Variants in GRM5 observed in about 807,000 individuals in gnomAD.
The protein encoded by GRM5 is glutamate metabotropic receptor 5.
Under a neutral mutation model 83.1 loss-of-function variants are expected in GRM5, and 19 were observed. That is an observed-to-expected ratio of 0.23 (90% CI 0.16 to 0.34). The LOEUF is 0.34. Among genes scored for constraint, GRM5 ranks in the 10% least tolerant of loss-of-function variants. The pLI is 1.00. For synonymous variants in GRM5, 675 were observed against 633.6 expected (o/e 1.07, Z -0.98); for missense variants, 1,160 against 1,588.3 (o/e 0.73, Z 4.58).
At chr11:88,992,525 C>T (rs560902615) in intron 2 of GRM5, among the ~76,000 whole-genome samples, 2 of 152,064 alleles carry the variant, frequency 1.3e-5, no homozygotes, top group Non-Finnish European at 2.9e-5. Flanking sequence ...GGGTATATAC[C>T]CGAAGGATTA....
chr11:88,951,597 A>G (rs970199722), intron 2 of GRM5, among the ~76,000 whole-genome samples: 7 of 152,238 alleles, frequency 4.6e-5, no homozygotes, highest in African/African-American at 1.7e-4. Flanking sequence ...TGGTAGACAC[A>G]GTGTGAGTTT....
At chr11:88,817,984 A>G (rs1943720982) in intron 3 of GRM5, among the ~76,000 whole-genome samples, 1 of 152,102 alleles carries the variant, frequency 6.6e-6, no homozygotes, top group Non-Finnish European at 1.5e-5. Context: ...AGCAGTAAGT[A>G]CTCACAGAAT....
chr11:89,053,613 G>T (rs1452298731), intron 1 of GRM5, among the ~76,000 whole-genome samples: 1 of 151,886 alleles, frequency 6.6e-6, no homozygotes, highest in African/African-American at 2.4e-5. Context: ...TTCGAAGAGG[G>T]TTTGCGAGAC....
rs1290931665 is a variant in GRM5 at position 88,508,955 on chromosome 11, C to A, written c.3276G>T (p.Pro1092=). ...TGGGGATCAGGTAGGACGAGCAGAGCGGGGCGCCGACGCCGGGGCTGGGGG... is the reference window on the plus strand; with the variant it reads ...TGGGGATCAGGTAGGACGAGCAGAGAGGGGCGCCGACGCCGGGGCTGGGGG... ...TAAPSPGVGA[P]LCSSYLIPKE... The change falls in exon 10 of 10, where the codon CCG becomes CCT. Residue 1092 remains proline, a synonymous_variant. Coordinates refer to ENST00000305447, the MANE Select transcript of GRM5 (RefSeq NM_001143831.3). The surrounding 1 kb of genome is among the most constrained non-coding windows in gnomAD (Gnocchi z 4.2). 3.8e-6 allele frequency: 6 copies of A among 1,593,124 alleles called. No homozygotes were observed. The highest frequency in any genetic ancestry group is 1.8e-5 in the Admixed American group (1 of 56,778).
At position 88,545,200 on chromosome 11, in the gene GRM5, C is replaced by A. The variant is rs555096892; in HGVS notation, c.2631-19796G>T. Reference sequence around the variant, plus strand: ...ATCTGGGTCTCAGTTCTTGGACTTTCTTTATTTATCTAGTCTCTGGGCTCT... The same window carrying A: ...ATCTGGGTCTCAGTTCTTGGACTTTATTTATTTATCTAGTCTCTGGGCTCT... On this transcript the variant is annotated intron_variant, in intron 8 of 9. Coordinates refer to ENST00000305447, the MANE Select transcript of GRM5 (RefSeq NM_001143831.3). Among the ~76,000 whole-genome samples the A allele has an allele frequency of 7.9e-5, 12 of 152,236 alleles. No homozygotes were observed. In the South Asian group the frequency reaches 2.1e-3, roughly 26 times the overall value.
chr11:88,871,722 A>G (rs1371055458), intron 2 of GRM5, among the ~76,000 whole-genome samples: 1 of 151,578 alleles, frequency 6.6e-6, no homozygotes, highest in Admixed American at 6.6e-5. Flanking sequence ...TTCATGTAAT[A>G]TTTTCATTCT....
At chr11:88,762,323 A>G (rs573368701) in intron 3 of GRM5, among the ~76,000 whole-genome samples, 12 of 152,190 alleles carry the variant, frequency 7.9e-5, no homozygotes, top group African/African-American at 2.6e-4. Flanking sequence ...ATCTATAAGG[A>G]ACTTAAATCT....
chr11:88,513,935 T>G lies in GRM5; in HGVS notation c.2727-4431A>C, dbSNP rs983172942. 8.7e-4 allele frequency among the ~76,000 whole-genome samples: 12 copies of G among 13,844 alleles called. No individual in the cohort carries two copies. In the South Asian group the frequency reaches 0.022, roughly 25 times the overall value. The allele number at this position is 13,844 out of a possible 152,430, so 9.1% of individuals were successfully genotyped here. The stretch of plus-strand genomic sequence containing the variant: ...TTGTATTTATTATTTAGGCTGAGAT[T>G]TTTTTTTCAGCATCCATGTTATATG... On this transcript the variant is annotated intron_variant, in intron 9 of 9. Coordinates refer to ENST00000305447, the MANE Select transcript of GRM5 (RefSeq NM_001143831.3).
chr11:88,912,221 A>T (rs185225264), intron 2 of GRM5: 17,704 of 187,626 alleles, frequency 0.094, 1,392 homozygotes, highest in African/African-American at 0.21. Context: ...ATACATTTTT[A>T]AAAATGTACA....
intron 2 of GRM5, among the ~76,000 whole-genome samples, chr11:89,033,195 A>T (rs1019065556): frequency 2.0e-5 from 3 of 152,050 alleles, no homozygotes; most frequent in Admixed American, 1.3e-4. Context: ...AGGTACAGCC[A>T]TCTGTCATCT....
At chr11:88,758,237 A>T (rs565031333) in intron 3 of GRM5, among the ~76,000 whole-genome samples, 1 of 152,174 alleles carries the variant, frequency 6.6e-6, no homozygotes, top group African/African-American at 2.4e-5. Context: ...TCAGGCTGAG[A>T]TGTCTGAAAT....
chr11:88,991,615 C>T (rs1939974815), intron 2 of GRM5, among the ~76,000 whole-genome samples: 2 of 149,826 alleles, frequency 1.3e-5, no homozygotes, highest in Non-Finnish European at 3.0e-5. Flanking sequence ...TCAAACTATA[C>T]TACAAGGCTA....
chr11:88,535,140 A>T (rs1942105140), intron 8 of GRM5, among the ~76,000 whole-genome samples: 1 of 152,078 alleles, frequency 6.6e-6, no homozygotes, highest in South Asian at 2.1e-4. Flanking sequence ...GAAGATACTT[A>T]TTTTTTTAAG....
intron 2 of GRM5, among the ~76,000 whole-genome samples, chr11:88,946,083 AAC>A (rs1938276081): frequency 6.6e-6 from 1 of 152,158 alleles, no homozygotes; most frequent in African/African-American, 2.4e-5. Context: ...GAATGACATT[AAC>A]AGACACTCCT....
At chr11:89,012,106 T>C (rs779297187) in intron 2 of GRM5, among the ~76,000 whole-genome samples, 14 of 151,898 alleles carry the variant, frequency 9.2e-5, no homozygotes, top group Non-Finnish European at 8.8e-5. Context: ...AAAGAGAGAA[T>C]GGAGGGAGTG....
At chr11:88,541,200 C>T (rs929430187) in intron 8 of GRM5, among the ~76,000 whole-genome samples, 2 of 152,060 alleles carry the variant, frequency 1.3e-5, no homozygotes, top group South Asian at 2.1e-4. Flanking sequence ...TCCACACTGC[C>T]GAGTGTCTAT....
chr11:88,925,667 T>C, intron 2 of GRM5: 1 of 435,260 alleles, frequency 2.3e-6, no homozygotes, highest in Non-Finnish European at 4.6e-6. Context: ...ATCCCAGCAA[T>C]TTGGAAGGCT....
At chr11:88,586,585 G>A (rs1037734496) in intron 7 of GRM5, among the ~76,000 whole-genome samples, 1 of 152,102 alleles carries the variant, frequency 6.6e-6, no homozygotes, top group African/African-American at 2.4e-5. Context: ...CTGGCCCCAA[G>A]CCTTTCTGTG....
chr11:88,755,277 A>G (rs930964605), intron 3 of GRM5, among the ~76,000 whole-genome samples: 7 of 152,184 alleles, frequency 4.6e-5, no homozygotes, highest in African/African-American at 1.7e-4. Context: ...AGAAGGTACA[A>G]GATGCCGTAA....
Sources: allele counts gnomAD v4.1 joint callset (sites outside exome capture counted in the v4.1 genomes callset), GRCh38; gene constraint gnomAD v4.1.1; non-coding constraint Gnocchi (gnomAD v3.1); transcripts MANE v1.5; gene names NCBI Gene and HGNC (gene_info 2026-07-23, HGNC 2026-07-21).